The following PPFIBP2 variants were observed in gnomAD, a reference collection of about 807,000 sequenced individuals.
PPFIBP2 encodes PPFIB scaffold protein 2.
Under a neutral mutation model 118.3 loss-of-function variants are expected in PPFIBP2, and 118 were observed. The ratio of observed to expected loss-of-function variants is 1.00; its 90% CI spans 0.86 to 1.16. The LOEUF (loss-of-function observed/expected upper bound fraction) is 1.16, where lower values mean the gene tolerates loss of function less well. Ranked by LOEUF, PPFIBP2 falls within the 50% of genes most tolerant of loss-of-function variation. The pLI, the probability that PPFIBP2 is intolerant of heterozygous loss-of-function variation, is 0.00. For missense variants in PPFIBP2, 1,195 were observed against 1,073.1 expected (o/e 1.11, Z -1.59); for synonymous variants, 414 against 397.4 (o/e 1.04, Z -0.50).
At chr11:7,641,164 G>A in intron 15 of PPFIBP2, 1 of 1,046,786 alleles carries the variant, frequency 9.6e-7, no homozygotes, top group South Asian at 1.4e-5. Context: ...ACCCACTACT[G>A]CCTGCGTTCC....
chr11:7,528,987 G>A (rs1041598014), intron 1 of PPFIBP2, among the ~76,000 whole-genome samples: 1 of 152,176 alleles, frequency 6.6e-6, no homozygotes, highest in Admixed American at 6.5e-5. Flanking sequence ...GGTGGACCCA[G>A]GGTCCTTCAG....
At chr11:7,666,382 G>A in the PPFIBP2 span, 5 of 986,160 alleles carry the variant, frequency 5.1e-6, no homozygotes, top group African/African-American at 1.6e-5. Context: ...CAAAGAGACA[G>A]AGACCAGTCC....
chr11:7,653,753 G>T lies in PPFIBP2; in HGVS notation c.*535G>T. The T allele has an allele frequency of 8.3e-7, 1 of 1,209,420 alleles. No homozygotes were observed. Among genetic ancestry groups the T allele is most frequent in the Non-Finnish European group, 1.0e-6 (1 of 953,106 alleles). 74.9% of individuals were successfully genotyped at this position (1,209,420 alleles called of 1,614,324 possible). On this transcript the variant is annotated 3_prime_UTR_variant, in exon 24 of 24. Transcript: ENST00000299492. ...TTGTAATAAAAGCAATATTTATGCGGAAAGCAAGCAGCTCACCATATCTTT... is the reference window on the plus strand; with the variant it reads ...TTGTAATAAAAGCAATATTTATGCGTAAAGCAAGCAGCTCACCATATCTTT...
At chr11:7,652,831 A>T (rs1854246845) in intron 23 of PPFIBP2, among the ~76,000 whole-genome samples, 193 bp from the exon 24 acceptor site, 1 of 152,188 alleles carries the variant, frequency 6.6e-6, no homozygotes, top group Admixed American at 6.5e-5. Flanking sequence ...ATTGTTCAAG[A>T]TTATTTACCT....
At chr11:7,581,788 T>C (rs963829035) in intron 3 of PPFIBP2, among the ~76,000 whole-genome samples, 2 of 152,188 alleles carry the variant, frequency 1.3e-5, no homozygotes, top group Admixed American at 6.5e-5. Flanking sequence ...TAGAATTCAA[T>C]TTCCTTGATT....
chr11:7,592,950 G>A (rs1440953978), intron 3 of PPFIBP2, among the ~76,000 whole-genome samples, 182 bp from the exon 4 acceptor site: 2 of 152,200 alleles, frequency 1.3e-5, no homozygotes, highest in Non-Finnish European at 2.9e-5. Flanking sequence ...TCAGTGGCAT[G>A]TGATCTGGTT....
At chr11:7,537,711 AG>A (rs1315036572) in intron 1 of PPFIBP2, among the ~76,000 whole-genome samples, 2 of 152,174 alleles carry the variant, frequency 1.3e-5, no homozygotes, top group African/African-American at 4.8e-5. Context: ...ACAGTATTGA[AG>A]GGCACACTGA....
rs1854350343 is a variant in PPFIBP2 at position 7,653,368 on chromosome 11, C to T, written c.*150C>T. On this transcript the variant is annotated 3_prime_UTR_variant, in exon 24 of 24. Transcript: ENST00000299492. ...ACCCCTGGGCCAGTCTCTTTGAACCCTGAGGGTGGCCAGGATCTGGAGCTG... is the reference window on the plus strand; with the variant it reads ...ACCCCTGGGCCAGTCTCTTTGAACCTTGAGGGTGGCCAGGATCTGGAGCTG... 3 of 1,484,664 alleles carry T rather than the reference C, an allele frequency of 2.0e-6. No individual in the cohort carries two copies. The East Asian group carries it at 7.4e-5, about 37-fold the overall frequency. The allele number at this position is 1,484,664 out of a possible 1,614,324, so 92.0% of individuals were successfully genotyped here.
chr11:7,655,910 C>T (rs1194234508), downstream of PPFIBP2, among the ~76,000 whole-genome samples: 1 of 152,162 alleles, frequency 6.6e-6, no homozygotes, highest in Non-Finnish European at 1.5e-5. Flanking sequence ...CATTTCCTAT[C>T]GTGCCTCTGA....
intron 5 of PPFIBP2, among the ~76,000 whole-genome samples, chr11:7,602,112 G>A (rs1366920193): frequency 5.3e-4 from 53 of 99,798 alleles, no homozygotes; most frequent in African/African-American, 9.9e-4. Flanking sequence ...AAAAAAAAAA[G>A]AAGAGTCATT....
chr11:7,647,688 C>T (rs563577444), intron 17 of PPFIBP2, among the ~76,000 whole-genome samples: 1 of 152,262 alleles, frequency 6.6e-6, no homozygotes, highest in Admixed American at 6.5e-5. Flanking sequence ...CGTAAGTGGC[C>T]ACCTCACTGA....
At chr11:7,585,518 G>A (rs758948515) in intron 3 of PPFIBP2, among the ~76,000 whole-genome samples, 11 of 152,224 alleles carry the variant, frequency 7.2e-5, no homozygotes, top group Non-Finnish European at 1.6e-4. Flanking sequence ...GAGTGCTACA[G>A]AACTGCCCTC....
At chr11:7,574,360 A>C (rs1168407163) in intron 3 of PPFIBP2, among the ~76,000 whole-genome samples, 2 of 152,154 alleles carry the variant, frequency 1.3e-5, no homozygotes, top group Non-Finnish European at 2.9e-5. Flanking sequence ...TCACAGGAGC[A>C]GTATAATGGG....
chr11:7,629,533 A>G lies in PPFIBP2; in HGVS notation c.963A>G (p.Gln321=). The G allele has an allele frequency of 6.2e-7, 1 of 1,614,040 alleles. No individual in the cohort carries two copies. Among genetic ancestry groups the G allele is most frequent in the Non-Finnish European group, 8.5e-7 (1 of 1,179,910 alleles). The part of the protein sequence containing the change: ...RKVKEIVMVT[Q]GPSERTLSIN... ...TAAAGGAGATTGTGATGGTCACTCA[A>G]GGTAAGAGCAAGGGCGATCCTACCG... is the stretch of plus-strand genomic sequence containing the variant. The change falls in exon 10 of 24, where the codon CAA becomes CAG. Residue 321 remains glutamine (Q), a splice_region_variant and synonymous_variant. Coordinates refer to ENST00000299492, the MANE Select transcript of PPFIBP2 (RefSeq NM_003621.5).
intron 3 of PPFIBP2, among the ~76,000 whole-genome samples, chr11:7,581,210 C>T (rs1590352964): frequency 6.6e-6 from 1 of 152,354 alleles, no homozygotes; most frequent in South Asian, 2.1e-4. Context: ...CAGCTCACAC[C>T]TGTTCTACAT....
intron 1 of PPFIBP2, among the ~76,000 whole-genome samples, chr11:7,543,329 T>C (rs1275023200): frequency 6.6e-6 from 1 of 152,232 alleles, no homozygotes; most frequent in Non-Finnish European, 1.5e-5. Flanking sequence ...TCTTGTAATA[T>C]AGTGACACTT....
At chr11:7,554,569 G>T (rs1342076656) in intron 2 of PPFIBP2, among the ~76,000 whole-genome samples, 1 of 152,068 alleles carries the variant, frequency 6.6e-6, no homozygotes, top group Non-Finnish European at 1.5e-5. Flanking sequence ...AATCAGACCA[G>T]GAGTACTCTG....
Position 7,642,410 on chromosome 11 carries a change from T to C in PPFIBP2, c.1630T>C (p.Ser544Pro). ...AGPRLSRTRD[S>P]KGQKSDANAP... ...GCCAAGACTCTCTAGGACCAGGGACTCCAAGGGACAGAAAAGGTAAGGCTT... is the reference window on the plus strand; with the variant it reads ...GCCAAGACTCTCTAGGACCAGGGACCCCAAGGGACAGAAAAGGTAAGGCTT... The change falls in exon 17 of 24, where the codon TCC (serine) becomes CCC (proline). Residue 544 changes from serine to proline, a missense_variant. By Grantham distance (74) the Ser-to-Pro change is moderately conservative (BLOSUM62 -1). Coordinates refer to ENST00000299492, the MANE Select transcript of PPFIBP2 (RefSeq NM_003621.5). 6.2e-7 allele frequency: 1 copy of C among 1,613,680 alleles called. No homozygotes were observed. The highest frequency in any genetic ancestry group is 8.5e-7 in the Non-Finnish European group (1 of 1,179,758).
intron 14 of PPFIBP2, among the ~76,000 whole-genome samples, chr11:7,637,233 A>C (rs1336073770): frequency 2.6e-5 from 4 of 152,058 alleles, no homozygotes; most frequent in African/African-American, 7.2e-5. Context: ...CTAGTTTCTC[A>C]ATGTATTCTT....
Sources: gnomAD v4.1 joint callset for allele counts (sites outside exome capture counted in the v4.1 genomes callset) on GRCh38, gnomAD v4.1.1 for gene constraint, MANE v1.5 for transcripts, NCBI Gene and HGNC (gene_info 2026-07-23, HGNC 2026-07-21) for gene names.